ZMYM4: variants seen among roughly 807,000 people sequenced by gnomAD.
ZMYM4 encodes the protein zinc finger MYM-type protein 4.
Under a neutral mutation model 183.2 loss-of-function variants are expected in ZMYM4, and 31 were observed. The ratio of observed to expected loss-of-function variants is 0.17; its 90% confidence interval spans 0.13 to 0.23. The LOEUF (loss-of-function observed/expected upper bound fraction) is 0.23. Ranked by LOEUF, ZMYM4 falls within the 10% of genes least tolerant of loss-of-function variation. The pLI is 1.00. For missense variants in ZMYM4, 1,273 were observed against 1,840.3 expected, an observed-to-expected ratio of 0.69 and a Z score of 5.64; for synonymous variants, 592 against 631.2, an observed-to-expected ratio of 0.94 and a Z score of 0.93.
In ZMYM4 at chr1:35,389,934, C is replaced by T. The variant is rs747267670; in HGVS notation, c.2437-14C>T. 5.6e-6 allele frequency: 9 copies of T among 1,597,506 alleles called. No homozygotes were observed. The Admixed American group carries it at 1.0e-4, about 18-fold the overall frequency. ...AATTTGTTTCTTACTCCTTGACTAC[C>T]TTCTTCTTTTTAGATGGCCAAATGT... On this transcript the variant is annotated splice_polypyrimidine_tract_variant and intron_variant, in intron 14 of 29. Transcript: ENST00000314607. The surrounding 1 kb of genome is among the most constrained non-coding windows in gnomAD (Gnocchi z 4.0).
intron 2 of ZMYM4, among the ~76,000 whole-genome samples, chr1:35,330,051 C>CA (rs762518428): frequency 3.3e-5 from 5 of 151,854 alleles, no homozygotes; most frequent in Non-Finnish European, 7.4e-5. Flanking sequence ...CCTGTCTCTG[C>CA]AAAAAATACA....
intron 1 of ZMYM4, among the ~76,000 whole-genome samples, chr1:35,286,856 C>G (rs1640524875): frequency 8.4e-6 from 1 of 118,872 alleles, no homozygotes; most frequent in South Asian, 3.0e-4. Context: ...TCTTGAACTC[C>G]TGGGCTCAAG....
At chr1:35,272,352 C>T (rs186288604) in intron 1 of ZMYM4, among the ~76,000 whole-genome samples, 58 of 152,322 alleles carry the variant, frequency 3.8e-4, no homozygotes, top group Non-Finnish European at 6.6e-4. Context: ...TCATAAGCTA[C>T]ATGCTAGGCA....
At chr1:35,419,153 A>G (rs1640236968) in intron 29 of ZMYM4, among the ~76,000 whole-genome samples, 1 of 152,086 alleles carries the variant, frequency 6.6e-6, no homozygotes, top group Non-Finnish European at 1.5e-5. Flanking sequence ...TGAAGTACTA[A>G]AGTTTATGAT....
intron 7 of ZMYM4, among the ~76,000 whole-genome samples, chr1:35,379,471 G>A (rs1008543200): frequency 3.9e-5 from 6 of 152,060 alleles, no homozygotes; most frequent in African/African-American, 1.4e-4. Flanking sequence ...CCTGACCCCA[G>A]TTGATCCGCC....
chr1:35,351,554 A>G, intron 2 of ZMYM4: 1 of 1,095,016 alleles, frequency 9.1e-7, no homozygotes, highest in South Asian at 1.4e-5. Context: ...AGATCAGGTA[A>G]CTCAAAAGAA....
chr1:35,357,750 G>A (rs1044179611), intron 2 of ZMYM4, among the ~76,000 whole-genome samples: 7 of 152,304 alleles, frequency 4.6e-5, no homozygotes, highest in African/African-American at 1.7e-4. Context: ...GTTGGAGAAC[G>A]TGTAGGAGCT....
chr1:35,274,246 TAC>T (rs1469116473), intron 1 of ZMYM4, among the ~76,000 whole-genome samples: 1 of 152,222 alleles, frequency 6.6e-6, no homozygotes, highest in Non-Finnish European at 1.5e-5. Flanking sequence ...GCCATTCAAA[TAC>T]AGTGATTCTG....
chr1:35,341,014 A>G (rs1357265708), intron 2 of ZMYM4, among the ~76,000 whole-genome samples: 1 of 152,164 alleles, frequency 6.6e-6, no homozygotes, highest in Non-Finnish European at 1.5e-5. Context: ...CCACTGAGAT[A>G]TATTTAAAGT....
chr1:35,329,355 T>G (rs1387853412), intron 2 of ZMYM4, among the ~76,000 whole-genome samples: 1 of 152,264 alleles, frequency 6.6e-6, no homozygotes. Context: ...GTAGATGATC[T>G]TAATTCATGT....
At chr1:35,301,062 T>C (rs1366436153) in intron 1 of ZMYM4, among the ~76,000 whole-genome samples, 2 of 152,198 alleles carry the variant, frequency 1.3e-5, no homozygotes, top group African/African-American at 4.8e-5. Flanking sequence ...AAACAGATAT[T>C]TTTGGTACCC....
In ZMYM4 at chr1:35,389,254, T is replaced by C. The variant is rs1485024032; in HGVS notation, c.2436+172T>C. 6.6e-6 allele frequency among the ~76,000 whole-genome samples: 1 copy of C among 152,172 alleles called. No homozygotes were observed. Among genetic ancestry groups the C allele is most frequent in the Admixed American group, 6.5e-5 (1 of 15,272 alleles). On this transcript the variant is annotated intron_variant, in intron 14 of 29. Coordinates refer to ENST00000314607, the MANE Select transcript of ZMYM4 (RefSeq NM_005095.3). The surrounding 1 kb of genome is among the most constrained non-coding windows in gnomAD (Gnocchi z 4.0). ...TAGAAAGACTTTAATGTTATTGAAG[T>C]TTTCTTTTGTTTTTAATTTCCTGTA...
At chr1:35,297,395 A>G (rs1303298850) in intron 1 of ZMYM4, among the ~76,000 whole-genome samples, 1 of 151,552 alleles carries the variant, frequency 6.6e-6, no homozygotes, top group Non-Finnish European at 1.5e-5. Flanking sequence ...GGATGGTTTG[A>G]GCCTGGGAGG....
Position 35,359,523 on chromosome 1 carries a change from G to A in ZMYM4, c.607+77G>A, listed in dbSNP as rs925559967. The A allele has an allele frequency of 1.3e-5, 17 of 1,335,558 alleles. No homozygotes were observed. In the Admixed American group the frequency reaches 4.5e-4, roughly 35 times the overall value. 82.7% of individuals were successfully genotyped at this position (1,335,558 alleles called of 1,614,324 possible). On this transcript the variant is annotated intron_variant, in intron 3 of 29. Transcript: ENST00000314607. ...ATAATATATAGCTTTTATTACTTTTGATGTTAAGTGAAGTATGAACGGTTA... is the reference window on the plus strand; with the variant it reads ...ATAATATATAGCTTTTATTACTTTTAATGTTAAGTGAAGTATGAACGGTTA...
chr1:35,347,404 T>C (rs1643437033), intron 2 of ZMYM4, among the ~76,000 whole-genome samples: 1 of 151,986 alleles, frequency 6.6e-6, no homozygotes, highest in Admixed American at 6.6e-5. Context: ...CTTATGAGAG[T>C]AAAAAAATGA....
chr1:35,317,790 C>T (rs1570339871), intron 1 of ZMYM4, among the ~76,000 whole-genome samples: 3 of 152,186 alleles, frequency 2.0e-5, no homozygotes, highest in South Asian at 2.1e-4. Flanking sequence ...GGAATGCAGC[C>T]CATCATTAAC....
intron 9 of ZMYM4, among the ~76,000 whole-genome samples, chr1:35,382,105 A>G (rs1412918951): frequency 6.7e-6 from 1 of 150,004 alleles, no homozygotes; most frequent in African/African-American, 2.5e-5. Context: ...AGATCGTACC[A>G]TTGCACTCCA....
intron 1 of ZMYM4, among the ~76,000 whole-genome samples, chr1:35,303,309 G>A (rs1278181548): frequency 1.1e-4 from 17 of 148,258 alleles, no homozygotes; most frequent in Non-Finnish European, 2.1e-4. Context: ...AAAAAGAAAA[G>A]AAAAAAAATT....
At chr1:35,272,574 T>C (rs191064468) in intron 1 of ZMYM4, among the ~76,000 whole-genome samples, 1 of 152,342 alleles carries the variant, frequency 6.6e-6, no homozygotes, top group Non-Finnish European at 1.5e-5. Flanking sequence ...AGTACCAAGT[T>C]CTCTGCTTTG....
Sources: allele counts gnomAD v4.1 joint callset (sites outside exome capture counted in the v4.1 genomes callset), GRCh38; gene constraint gnomAD v4.1.1; non-coding constraint Gnocchi (gnomAD v3.1); transcripts MANE v1.5; gene names NCBI Gene and HGNC (gene_info 2026-07-23, HGNC 2026-07-21).